MROH2B: variants seen among roughly 807,000 people sequenced by gnomAD.
MROH2B encodes the protein maestro heat like repeat family member 2B.
In MROH2B, 177 loss-of-function variants were observed where a neutral mutation model predicts 208.6. The ratio of observed to expected loss-of-function variants is 0.85; its 90% CI spans 0.75 to 0.96. The LOEUF is 0.96. Ranked by LOEUF, MROH2B falls within the 40% of genes least tolerant of loss-of-function variation. The pLI, the probability that MROH2B is intolerant of heterozygous loss-of-function variation, is 0.00. For synonymous variants in MROH2B, 728 were observed against 659.0 expected (o/e 1.10, Z -1.60); for missense variants, 2,002 against 1,878.7 (o/e 1.07, Z -1.21).
At chr5:41,004,673 GATTTCCA>G in intron 36 of MROH2B, 94 bp downstream of exon 36, 2 of 1,533,592 alleles carry the variant, frequency 1.3e-6, no homozygotes, top group Non-Finnish European at 1.7e-6. Context: ...AATGTATCTG[GATTTCCA>G]ATTAATTTGT....
Position 41,067,325 on chromosome 5 carries a change from C to T in MROH2B, c.91-107G>A, listed in dbSNP as rs1029984566. 2.0e-5 allele frequency: 13 copies of T among 636,090 alleles called. No homozygotes were observed. In the African/African-American group the frequency reaches 2.4e-4, roughly 12 times the overall value. 39.4% of individuals were successfully genotyped at this position (636,090 alleles called of 1,614,324 possible). On this transcript the variant is annotated intron_variant, in intron 2 of 41. Coordinates refer to ENST00000399564, the MANE Select transcript of MROH2B (RefSeq NM_173489.5). ...TAAAGTAAGCAATATATCTTTACTA[C>T]ACAATGGATTTCATATTATATGTCT...
At position 41,018,714 on chromosome 5, in the gene MROH2B, C is replaced by T; in HGVS notation, c.2650G>A (p.Glu884Lys). The change falls in exon 26 of 42, where the codon GAG (glutamate) becomes AAG (lysine). Residue 884 changes from glutamate to lysine, a missense_variant. Physicochemically the swap from Glu to Lys is moderately conservative, Grantham distance 56 (BLOSUM62 1). Coordinates refer to ENST00000399564, the MANE Select transcript of MROH2B (RefSeq NM_173489.5). ...ACATTAAACATTTCTTGACAGTCCT[C>T]TGCATTCACATTATCCCACATCATG... is the stretch of plus-strand genomic sequence containing the variant. ...KTMMWDNVNA[E>K]DCQEMFNLLQ... is the part of the protein sequence containing the mutation. 1.2e-6 allele frequency: 2 copies of T among 1,613,936 alleles called. No homozygotes were observed. The highest frequency in any genetic ancestry group is 1.7e-6 in the Non-Finnish European group (2 of 1,179,876).
intron 5 of MROH2B, 145 bp downstream of exon 5, chr5:41,064,327 C>CATGTGGTAG: frequency 1.6e-6 from 1 of 614,970 alleles, no homozygotes; most frequent in East Asian, 2.8e-5. Flanking sequence ...GAGGACTTTC[C>CATGTGGTAG]ATGTGGTAGG....
intron 18 of MROH2B, among the ~76,000 whole-genome samples, chr5:41,044,769 G>A (rs1561297628): frequency 6.6e-6 from 1 of 152,188 alleles, no homozygotes; most frequent in East Asian, 1.9e-4. Flanking sequence ...TTACTTTGTG[G>A]AAAGAAATAC....
At chr5:41,050,777 A>G (rs1340142029) in intron 13 of MROH2B, among the ~76,000 whole-genome samples, 200 bp downstream of exon 13, 1 of 152,176 alleles carries the variant, frequency 6.6e-6, no homozygotes. Flanking sequence ...CAGATGTAAG[A>G]TACTTTATAT....
At chr5:41,019,073 C>A (rs1467224519) in intron 24 of MROH2B, 55 bp from the exon 25 acceptor site, 16 of 1,600,724 alleles carry the variant, frequency 1.0e-5, no homozygotes, top group Non-Finnish European at 1.2e-5. Context: ...CAGAACATAC[C>A]CAGTGGAATT....
At position 41,033,826 on chromosome 5, in the gene MROH2B, T is replaced by TATC. The variant is rs1374935383; in HGVS notation, c.2241+9_2241+11dup. The TATC allele has an allele frequency of 4.0e-6, 6 of 1,504,332 alleles. No homozygotes were observed. The highest frequency in any genetic ancestry group is 5.4e-6 in the Non-Finnish European group (6 of 1,110,922). The allele number at this position is 1,504,332 out of a possible 1,614,324, so 93.2% of individuals were successfully genotyped here. A position where few individuals can be genotyped will look rare whatever the true frequency, so the allele number is the denominator to read the frequency against. On this transcript the variant is annotated intron_variant, in intron 22 of 41. Transcript: ENST00000399564. ...CTATCTATCTATCTATCTATCTATC[T>TATC]ATCTCTCCTACCTTGTTCATCACAG...
intron 24 of MROH2B, among the ~76,000 whole-genome samples, chr5:41,020,843 T>G (rs1475910068): frequency 1.3e-5 from 2 of 152,210 alleles, no homozygotes; most frequent in Non-Finnish European, 2.9e-5. Flanking sequence ...AACATTATAT[T>G]CAATGGTGAA....
rs528448423 is a variant in MROH2B at position 41,043,124 on chromosome 5, G to T, written c.1837-916C>A. ...GGAAAATCTGTGGAGCAGGAGGAAA[G>T]GAAATTCTAATAGACACAGACCAAG... On this transcript the variant is annotated intron_variant, in intron 18 of 41. Coordinates refer to ENST00000399564, the MANE Select transcript of MROH2B (RefSeq NM_173489.5). 2.0e-5 allele frequency among the ~76,000 whole-genome samples: 3 copies of T among 152,334 alleles called. No homozygotes were observed. In the East Asian group the frequency reaches 5.8e-4, roughly 29 times the overall value.
At chr5:41,033,940 C>T (rs1742669241) in intron 21 of MROH2B, 76 bp from the exon 22 acceptor site, 1 of 1,540,724 alleles carries the variant, frequency 6.5e-7, no homozygotes, top group Non-Finnish European at 8.8e-7. Context: ...CAAAAGGACT[C>T]ACCCATCAAC....
chr5:41,036,524 T>C (rs1296236353), intron 21 of MROH2B, among the ~76,000 whole-genome samples: 1 of 152,138 alleles, frequency 6.6e-6, no homozygotes, highest in African/African-American at 2.4e-5. Flanking sequence ...CATGGATTAC[T>C]ATGCAGCCAT....
chr5:41,058,653 T>G (rs994556760), intron 6 of MROH2B, among the ~76,000 whole-genome samples: 4 of 152,232 alleles, frequency 2.6e-5, no homozygotes, highest in Admixed American at 6.5e-5. Context: ...TTATTTTATT[T>G]TATTGTATTT....
chr5:41,012,349 CAGAA>C (rs1741798841), intron 30 of MROH2B, among the ~76,000 whole-genome samples: 2 of 152,154 alleles, frequency 1.3e-5, no homozygotes, highest in South Asian at 4.1e-4. Flanking sequence ...TTCCTCTAGC[CAGAA>C]AGAGACAGTT....
At chr5:41,024,888 A>G (rs1444032145) in intron 24 of MROH2B, among the ~76,000 whole-genome samples, 1 of 152,216 alleles carries the variant, frequency 6.6e-6, no homozygotes, top group Non-Finnish European at 1.5e-5. Context: ...AACTCACTCA[A>G]AACTGCTCAA....
At chr5:41,032,593 A>C in intron 24 of MROH2B, 149 bp downstream of exon 24, 1 of 661,866 alleles carries the variant, frequency 1.5e-6, no homozygotes, top group Non-Finnish European at 2.6e-6. Context: ...CTTTGGAAGG[A>C]GAAAAAGCCC....
rs1029050284 is a variant in MROH2B, at chr5:41,065,243, A to C, written c.361+88T>G. 6.2e-6 allele frequency: 8 copies of C among 1,285,832 alleles called. No homozygotes were observed. In the African/African-American group the frequency reaches 9.0e-5, roughly 14 times the overall value. 79.7% of individuals were successfully genotyped at this position (1,285,832 alleles called of 1,614,324 possible). A position where few individuals can be genotyped will look rare whatever the true frequency, so the allele number is the denominator to read the frequency against. On this transcript the variant is annotated intron_variant, in intron 4 of 41. Coordinates refer to ENST00000399564, the MANE Select transcript of MROH2B (RefSeq NM_173489.5). ...TGGTACAGAAGAAGGCAGAGATGCT[A>C]TCTCTTCTACCGTTTGCTCCCATTT... is the stretch of plus-strand genomic sequence containing the variant.
chr5:41,011,208 C>A (rs1561277982), intron 30 of MROH2B, among the ~76,000 whole-genome samples: 1 of 152,174 alleles, frequency 6.6e-6, no homozygotes, highest in Non-Finnish European at 1.5e-5. Flanking sequence ...TTCTAGTAGA[C>A]ATTTCTATTA....
At position 41,007,286 on chromosome 5, in the gene MROH2B, A is replaced by G. The variant is rs184356883; in HGVS notation, c.3749+28T>C. On this transcript the variant is annotated intron_variant, in intron 34 of 41. Coordinates refer to ENST00000399564, the MANE Select transcript of MROH2B (RefSeq NM_173489.5). ...TGTTTGTTTTTGTTTTCTTCTTTGT[A>G]TCTGGTTCTAGAAAAAGTGCACATT... 2.0e-3 allele frequency: 2,657 copies of G among 1,356,116 alleles called. 7 individuals are homozygous for G. Among genetic ancestry groups the G allele is most frequent in the Middle Eastern group, 5.0e-3 (26 of 5,228 alleles). 84.0% of individuals were successfully genotyped at this position (1,356,116 alleles called of 1,614,324 possible). A position where few individuals can be genotyped will look rare whatever the true frequency, so the allele number is the denominator to read the frequency against.
chr5:41,027,494 A>G (rs900681284), intron 24 of MROH2B, among the ~76,000 whole-genome samples: 1 of 152,204 alleles, frequency 6.6e-6, no homozygotes, highest in Non-Finnish European at 1.5e-5. Flanking sequence ...GTGAGATACC[A>G]TCTCACACCA....
Sources: gnomAD v4.1 joint callset for allele counts (sites outside exome capture counted in the v4.1 genomes callset) on GRCh38, gnomAD v4.1.1 for gene constraint, MANE v1.5 for transcripts, NCBI Gene and HGNC (gene_info 2026-07-23, HGNC 2026-07-21) for gene names.